Variants in GPR180 observed in about 807,000 individuals in gnomAD.
GPR180 encodes the protein G protein-coupled receptor 180, also known as integral membrane protein GPR180.
GPR180 carries 53 observed loss-of-function variants against 52.6 expected under a neutral mutation model. That is an observed-to-expected ratio of 1.01 (90% CI 0.81 to 1.27). GPR180 has a LOEUF of 1.27. Ranked by LOEUF, GPR180 falls within the 50% of genes most tolerant of loss-of-function variation. The pLI is 0.00. For synonymous variants in GPR180, 200 were observed against 193.1 expected (o/e 1.04, Z -0.30); for missense variants, 533 against 527.0 (o/e 1.01, Z -0.11).
intron 7 of GPR180, among the ~76,000 whole-genome samples, chr13:94,624,651 G>A (rs1203101217): frequency 1.3e-5 from 2 of 152,038 alleles, no homozygotes; most frequent in Non-Finnish European, 2.9e-5. Context: ...TCCGCCTTCC[G>A]GGTTCATGCC....
At chr13:94,606,119 C>A (rs912562338) in intron 2 of GPR180, among the ~76,000 whole-genome samples, 7 of 152,134 alleles carry the variant, frequency 4.6e-5, no homozygotes, top group African/African-American at 1.4e-4. Context: ...TGGTGAAACC[C>A]CGTCTCTACT....
At chr13:94,607,068 C>T (rs1459088305) in intron 2 of GPR180, among the ~76,000 whole-genome samples, 1 of 152,158 alleles carries the variant, frequency 6.6e-6, no homozygotes. Context: ...TCTGATGTTC[C>T]CTGTTTTAAG....
intron 2 of GPR180, among the ~76,000 whole-genome samples, chr13:94,606,086 G>A (rs1408257489): frequency 6.6e-6 from 1 of 152,206 alleles, no homozygotes; most frequent in African/African-American, 2.4e-5. Flanking sequence ...GAGGTTGGGA[G>A]TTTGAGACCA....
Position 94,632,709 on chromosome 13 carries a change from C to G in GPR180, c.*5538C>G, listed in dbSNP as rs758519541. The G allele has an allele frequency of 6.6e-6, 1 of 152,140 alleles. No homozygotes were observed. The highest frequency in any genetic ancestry group is 1.5e-5 in the Non-Finnish European group (1 of 68,020). 9.4% of individuals were successfully genotyped at this position (152,140 alleles called of 1,614,324 possible). ...GTATCTTTGTTATTCATAGTGAGCT[C>G]TGATAGTTACGCTAACCAGATGACT... On this transcript the variant is annotated 3_prime_UTR_variant, in exon 9 of 9. Coordinates refer to ENST00000376958, the MANE Select transcript of GPR180 (RefSeq NM_180989.6).
At chr13:94,610,342 G>A (rs978683541) in intron 2 of GPR180, among the ~76,000 whole-genome samples, 11 of 152,004 alleles carry the variant, frequency 7.2e-5, no homozygotes, top group Non-Finnish European at 1.3e-4. Flanking sequence ...AGACTAATTT[G>A]TCCTTAAATA....
intron 2 of GPR180, among the ~76,000 whole-genome samples, chr13:94,610,228 TATA>T (rs1360200171): frequency 6.6e-6 from 1 of 152,210 alleles, no homozygotes; most frequent in Non-Finnish European, 1.5e-5. Context: ...TGAGTAATTC[TATA>T]ATGTCCTCTG....
chr13:94,614,149 G>C (rs778829329), intron 3 of GPR180, among the ~76,000 whole-genome samples: 1 of 152,130 alleles, frequency 6.6e-6, no homozygotes, highest in East Asian at 1.9e-4. Flanking sequence ...GATTACAGGC[G>C]TGAGCCACCG....
At position 94,634,064 on chromosome 13, in the gene GPR180, G is replaced by T. The variant is rs1305521974; in HGVS notation, c.*6893G>T. On this transcript the variant is annotated 3_prime_UTR_variant, in exon 9 of 9. Coordinates refer to ENST00000376958, the MANE Select transcript of GPR180 (RefSeq NM_180989.6). Reference sequence around the variant, plus strand: ...AGTCTTAAAATTGCTGTACGCTTTGGTAGGGATAATTTTCTGTTAAGTGTT... The same window carrying T: ...AGTCTTAAAATTGCTGTACGCTTTGTTAGGGATAATTTTCTGTTAAGTGTT... 6.6e-6 allele frequency: 1 copy of T among 151,922 alleles called. No homozygotes were observed. The highest frequency in any genetic ancestry group is 1.5e-5 in the Non-Finnish European group (1 of 67,990). 9.4% of individuals were successfully genotyped at this position (151,922 alleles called of 1,614,324 possible). A position where few individuals can be genotyped will look rare whatever the true frequency, so the allele number is the denominator to read the frequency against.
intron 7 of GPR180, among the ~76,000 whole-genome samples, chr13:94,624,542 G>A (rs910656538): frequency 3.3e-5 from 5 of 152,132 alleles, no homozygotes; most frequent in Non-Finnish European, 5.9e-5. Context: ...TAGGCATTAA[G>A]TTTTCTTATT....
rs753927119 is a variant in GPR180, at chr13:94,621,127, A to G, written c.786A>G (p.Leu262=). The change falls in exon 6 of 9, where the codon CTA becomes CTG. Residue 262 remains leucine (L), a synonymous_variant. Coordinates refer to ENST00000376958, the MANE Select transcript of GPR180 (RefSeq NM_180989.6). ...QIQMLYLLLS[L]CMGWTIVRMK... is the part of the protein sequence containing the mutation. ...AGATGTTATACTTACTTTTGAGTCTATGCATGGGTTGGACAATAGTCAGAA... is the reference window on the plus strand; with the variant it reads ...AGATGTTATACTTACTTTTGAGTCTGTGCATGGGTTGGACAATAGTCAGAA... 3.1e-6 allele frequency: 5 copies of G among 1,612,528 alleles called. No individual in the cohort carries two copies. The highest frequency in any genetic ancestry group is 1.7e-5 in the Admixed American group (1 of 59,324).
chr13:94,626,141 AT>A (rs1207162007), intron 8 of GPR180, 98 bp downstream of exon 8: 2 of 734,904 alleles, frequency 2.7e-6, no homozygotes, highest in Non-Finnish European at 4.4e-6. Context: ...TTTTTAAGAC[AT>A]TTTCTGGGTT....
In GPR180 at chr13:94,631,406, A is replaced by G. The variant is rs1186651101; in HGVS notation, c.*4235A>G. 2.0e-5 allele frequency: 3 copies of G among 151,652 alleles called. No individual in the cohort carries two copies. Among genetic ancestry groups the G allele is most frequent in the Non-Finnish European group, 2.9e-5 (2 of 67,942 alleles). The allele number at this position is 151,652 out of a possible 1,614,324, so 9.4% of individuals were successfully genotyped here. The stretch of plus-strand genomic sequence containing the variant: ...ATTAAGATATGTGTATGTGTATTAG[A>G]TCCTAGTGGTTCTTTTCTGATCAGA... On this transcript the variant is annotated 3_prime_UTR_variant, in exon 9 of 9. Coordinates refer to ENST00000376958, the MANE Select transcript of GPR180 (RefSeq NM_180989.6).
At chr13:94,615,538 A>G (rs1458122213) in intron 3 of GPR180, among the ~76,000 whole-genome samples, 2 of 152,238 alleles carry the variant, frequency 1.3e-5, no homozygotes, top group Non-Finnish European at 2.9e-5. Context: ...GTTGGTCTAG[A>G]TTAAACAAAG....
rs1213696278 is a variant in GPR180 at position 94,623,957 on chromosome 13, C to A, written c.1086+657C>A. On this transcript the variant is annotated intron_variant, in intron 7 of 8. Transcript: ENST00000376958. ...GGATTTCTCAACAGTTATTAATTGACTATAAACTGTTATTCTCAGAGTTAT... is the reference window on the plus strand; with the variant it reads ...GGATTTCTCAACAGTTATTAATTGAATATAAACTGTTATTCTCAGAGTTAT... 1.2e-4 allele frequency among the ~76,000 whole-genome samples: 19 copies of A among 152,076 alleles called. No homozygotes were observed. In the East Asian group the frequency reaches 3.7e-3, roughly 29 times the overall value.
Position 94,619,316 on chromosome 13 carries a change from C to T in GPR180, c.672C>T (p.Tyr224=). Residue 224 remains tyrosine (Y), a synonymous_variant, in exon 4 of 9, where the codon TAC becomes TAT. Coordinates refer to ENST00000376958, the MANE Select transcript of GPR180 (RefSeq NM_180989.6). ...LLQAGSALAN[Y]IHFSSYSKDG... is the part of the protein sequence containing the mutation. ...AAGCTGGTTCAGCTTTAGCTAATTA[C>T]ATTCATTTCTCCAGGTAACTCAAAA... is the stretch of plus-strand genomic sequence containing the variant. The T allele has an allele frequency of 6.2e-7, 1 of 1,613,934 alleles. No homozygotes were observed. Among genetic ancestry groups the T allele is most frequent in the Non-Finnish European group, 8.5e-7 (1 of 1,179,904 alleles).
intron 2 of GPR180, among the ~76,000 whole-genome samples, chr13:94,606,169 G>T (rs1046901947): frequency 6.6e-6 from 1 of 152,264 alleles, no homozygotes; most frequent in East Asian, 1.9e-4. Flanking sequence ...GATGGCATGC[G>T]CCTGTAATCC....
chr13:94,612,083 A>G (rs1889713407), intron 2 of GPR180, 107 bp from the exon 3 acceptor site: 6 of 812,176 alleles, frequency 7.4e-6, no homozygotes, highest in Non-Finnish European at 1.2e-5. Flanking sequence ...GATTTCTGAG[A>G]CAATAAAAAT....
At chr13:94,614,673 T>G (rs2139568243) in intron 3 of GPR180, among the ~76,000 whole-genome samples, 1 of 152,344 alleles carries the variant, frequency 6.6e-6, no homozygotes, top group South Asian at 2.1e-4. Context: ...TTTGTCTCCT[T>G]CTGACCTACC....
rs772684550 is a variant in GPR180 at position 94,632,898 on chromosome 13, C to T, written c.*5727C>T. The stretch of plus-strand genomic sequence containing the variant: ...ATTAATCATGCCTGTCATGAAACCC[C>T]GAGAGAAACTCTGGTCAGTGATGCT... On this transcript the variant is annotated 3_prime_UTR_variant, in exon 9 of 9. Coordinates refer to ENST00000376958, the MANE Select transcript of GPR180 (RefSeq NM_180989.6). 1.3e-5 allele frequency: 2 copies of T among 152,128 alleles called. No individual in the cohort carries two copies. The highest frequency in any genetic ancestry group is 6.5e-5 in the Admixed American group (1 of 15,268). 9.4% of individuals were successfully genotyped at this position (152,128 alleles called of 1,614,324 possible). A position where few individuals can be genotyped will look rare whatever the true frequency, so the allele number is the denominator to read the frequency against.
Sources: gnomAD v4.1 joint callset for allele counts (sites outside exome capture counted in the v4.1 genomes callset) on GRCh38, gnomAD v4.1.1 for gene constraint, MANE v1.5 for transcripts, NCBI Gene and HGNC (gene_info 2026-07-23, HGNC 2026-07-21) for gene names.